The following ISG15 variants were observed in gnomAD, a reference collection of about 807,000 sequenced individuals.
ISG15 encodes ISG15 ubiquitin like modifier.
ISG15 carries 2 observed loss-of-function variants against 2.4 expected under a neutral mutation model. The ratio of observed to expected loss-of-function variants is 0.82; its 90% CI spans 0.33 to 2.57. ISG15 has a LOEUF of 2.57. Ranked by LOEUF, ISG15 falls within the 30% of genes most tolerant of loss-of-function variation. The pLI, the probability that ISG15 is intolerant of heterozygous loss-of-function variation, is 0.11. For synonymous variants in ISG15, 116 were observed against 108.1 expected, an observed-to-expected ratio of 1.07 and a Z score of -0.45; for missense variants, 224 against 228.4, an observed-to-expected ratio of 0.98 and a Z score of 0.13.
Position 1,013,961 on chromosome 1 carries a change from C to G in ISG15, c.4-23C>G, listed in dbSNP as rs769891945. ...GGGCCTGGGGCTGGCGCCGCAGTCT[C>G]TGAACCTGTGTGACGCCTGCAGGGC... On this transcript the variant is annotated intron_variant, in intron 1 of 1. Coordinates refer to ENST00000649529, the MANE Select transcript of ISG15 (RefSeq NM_005101.4). The G allele has an allele frequency of 1.4e-5, 22 of 1,576,190 alleles. No individual in the cohort carries two copies. In the South Asian group the frequency reaches 2.6e-4, roughly 18 times the overall value.
At position 1,014,333 on chromosome 1, in the gene ISG15, A is replaced by G. The variant is rs779847157; in HGVS notation, c.353A>G (p.Gln118Arg). 7 of 1,613,694 alleles carry G rather than the reference A, an allele frequency of 4.3e-6. No individual in the cohort carries two copies. Among genetic ancestry groups the G allele is most frequent in the Non-Finnish European group, 5.9e-6 (7 of 1,180,012 alleles). ...KQQVSGLEGV[Q>R]DDLFWLTFEG... ...CAAGTGAGCGGGCTGGAGGGTGTGC[A>G]GGACGACCTGTTCTGGCTGACCTTC... The change falls in exon 2 of 2, where the codon CAG (glutamine) becomes CGG (arginine). Residue 118 changes from glutamine to arginine, a missense_variant. Coordinates refer to ENST00000649529, the MANE Select transcript of ISG15 (RefSeq NM_005101.4).
At chr1:1,013,904 G>A (rs1644246456) in intron 1 of ISG15, 80 bp from the exon 2 acceptor site, 1 of 1,509,624 alleles carries the variant, frequency 6.6e-7, no homozygotes, top group Non-Finnish European at 8.9e-7. Context: ...GGGTACAGGA[G>A]CTCGCCCTGC....
chr1:1,013,604 G>A, intron 1 of ISG15, 28 bp downstream of exon 1: 2 of 1,612,802 alleles, frequency 1.2e-6, no homozygotes, highest in Non-Finnish European at 1.7e-6. Context: ...GGTGGGGGGA[G>A]GTGGGCTCTG....
At chr1:1,013,735 T>G (rs1644245113) in intron 1 of ISG15, among the ~76,000 whole-genome samples, 159 bp downstream of exon 1, 1 of 152,060 alleles carries the variant, frequency 6.6e-6, no homozygotes, top group Non-Finnish European at 1.5e-5. Flanking sequence ...ACCCCTGAGA[T>G]CCTCAGGGTG....
chr1:1,013,945 G>A (rs181083782), intron 1 of ISG15, 39 bp from the exon 2 acceptor site: 2 of 1,552,574 alleles, frequency 1.3e-6, no homozygotes, highest in East Asian at 2.3e-5. Flanking sequence ...TGGGCCTGGG[G>A]CTGGCGCCGC....
In ISG15 at chr1:1,014,117, C is replaced by A. The variant is rs747711892; in HGVS notation, c.137C>A (p.Ala46Asp). Residue 46 changes from alanine (A) to aspartate (D), a missense_variant, in exon 2 of 2, where the codon GCT becomes GAT. Transcript: ENST00000649529. ...GTGCACGCCTTCCAGCAGCGTCTGGCTGTCCACCCGAGCGGTGTGGCGCTG... is the reference window on the plus strand; with the variant it reads ...GTGCACGCCTTCCAGCAGCGTCTGGATGTCCACCCGAGCGGTGTGGCGCTG... ...IGVHAFQQRLAVHPSGVALQD... is the reference protein window; with the variant it reads ...IGVHAFQQRLDVHPSGVALQD... 46 of 1,613,164 alleles carry A rather than the reference C, an allele frequency of 2.9e-5. No individual in the cohort carries two copies. The highest frequency in any genetic ancestry group is 2.0e-4 in the Admixed American group (12 of 60,010).
At chr1:1,013,619 A>C in intron 1 of ISG15, 43 bp downstream of exon 1, 1 of 1,609,432 alleles carries the variant, frequency 6.2e-7, no homozygotes, top group Non-Finnish European at 8.5e-7. Flanking sequence ...GCTCTGTGCC[A>C]GCCAATTTTC....
chr1:1,013,914 C>A, intron 1 of ISG15, 70 bp from the exon 2 acceptor site: 1 of 1,521,888 alleles, frequency 6.6e-7, no homozygotes, highest in Non-Finnish European at 8.8e-7. Flanking sequence ...GCTCGCCCTG[C>A]AGCCAGTGCC....
chr1:1,014,333 A>T lies in ISG15; in HGVS notation c.353A>T (p.Gln118Leu). The T allele has an allele frequency of 3.1e-6, 5 of 1,613,694 alleles. No homozygotes were observed. Among genetic ancestry groups the T allele is most frequent in the Non-Finnish European group, 4.2e-6 (5 of 1,180,012 alleles). Residue 118 changes from glutamine (Q) to leucine (L), a missense_variant, in exon 2 of 2, where the codon CAG (glutamine) becomes CTG (leucine). Transcript: ENST00000649529. ...CAAGTGAGCGGGCTGGAGGGTGTGCAGGACGACCTGTTCTGGCTGACCTTC... is the reference window on the plus strand; with the variant it reads ...CAAGTGAGCGGGCTGGAGGGTGTGCTGGACGACCTGTTCTGGCTGACCTTC... ...KQQVSGLEGV[Q>L]DDLFWLTFEG... is the part of the protein sequence containing the mutation.
Position 1,014,016 on chromosome 1 carries a change from C to T in ISG15, c.36C>T (p.Gly12=). 6.2e-7 allele frequency: 1 copy of T among 1,603,278 alleles called. No individual in the cohort carries two copies. The highest frequency in any genetic ancestry group is 1.7e-4 in the Middle Eastern group (1 of 6,038). The change falls in exon 2 of 2, where the codon GGC becomes GGT. Residue 12 remains glycine (G), a synonymous_variant. Transcript: ENST00000649529. ...GWDLTVKMLA[G]NEFQVSLSSS... The stretch of plus-strand genomic sequence containing the variant: ...ACCTGACGGTGAAGATGCTGGCGGG[C>T]AACGAATTCCAGGTGTCCCTGAGCA...
Position 1,014,404 on chromosome 1 carries a change from C to T in ISG15, c.424C>T (p.Leu142Phe). 1 of 1,613,184 alleles carries T rather than the reference C, an allele frequency of 6.2e-7. No individual in the cohort carries two copies. The highest frequency in any genetic ancestry group is 1.1e-5 in the South Asian group (1 of 91,082). ...EDQLPLGEYG[L>F]KPLSTVFMNL... ...CCAGCTCCCGCTGGGGGAGTACGGCCTCAAGCCCCTGAGCACCGTGTTCAT... is the reference window on the plus strand; with the variant it reads ...CCAGCTCCCGCTGGGGGAGTACGGCTTCAAGCCCCTGAGCACCGTGTTCAT... The change falls in exon 2 of 2, where the codon CTC becomes TTC. Residue 142 changes from leucine to phenylalanine, a missense_variant. Transcript: ENST00000649529.
In ISG15 at chr1:1,014,412, C is replaced by T. The variant is rs1183674125; in HGVS notation, c.432C>T (p.Pro144=). The T allele has an allele frequency of 1.2e-5, 20 of 1,612,926 alleles. No homozygotes were observed. The highest frequency in any genetic ancestry group is 1.6e-5 in the Non-Finnish European group (19 of 1,179,904). Residue 144 remains proline, a synonymous_variant, in exon 2 of 2, where the codon CCC becomes CCT. Coordinates refer to ENST00000649529, the MANE Select transcript of ISG15 (RefSeq NM_005101.4). ...QLPLGEYGLK[P]LSTVFMNLRL... The stretch of plus-strand genomic sequence containing the variant: ...CGCTGGGGGAGTACGGCCTCAAGCC[C>T]CTGAGCACCGTGTTCATGAATCTGC...
chr1:1,014,091 C>T lies in ISG15; in HGVS notation c.111C>T (p.Gly37=), dbSNP rs1644248202. 1.2e-6 allele frequency: 2 copies of T among 1,613,126 alleles called. No individual in the cohort carries two copies. Among genetic ancestry groups the T allele is most frequent in the South Asian group, 1.1e-5 (1 of 91,084 alleles). Residue 37 remains glycine (G), a synonymous_variant, in exon 2 of 2, where the codon GGC becomes GGT. Transcript: ENST00000649529. ...AGGCGCAGATCACCCAGAAGATCGG[C>T]GTGCACGCCTTCCAGCAGCGTCTGG... ...ELKAQITQKI[G]VHAFQQRLAV... is the part of the protein sequence containing the mutation.
Position 1,013,498 on chromosome 1 carries a change from G to T in ISG15, c.-76G>T. On this transcript the variant is annotated 5_prime_UTR_variant, in exon 1 of 2. Transcript: ENST00000649529. The stretch of plus-strand genomic sequence containing the variant: ...GGGCCGGTGCTGCCTGCCGAAGCCG[G>T]CGGCTGAGAGGCAGCGAACTCATCT... 1.3e-6 allele frequency: 2 copies of T among 1,490,750 alleles called. No individual in the cohort carries two copies. The highest frequency in any genetic ancestry group is 1.9e-6 in the Non-Finnish European group (2 of 1,067,666). 92.3% of individuals were successfully genotyped at this position (1,490,750 alleles called of 1,614,324 possible).
chr1:1,013,907 C>G, intron 1 of ISG15, 77 bp from the exon 2 acceptor site: 1 of 1,512,040 alleles, frequency 6.6e-7, no homozygotes. Flanking sequence ...TACAGGAGCT[C>G]GCCCTGCAGC....
chr1:1,013,793 G>A (rs534206770), intron 1 of ISG15, among the ~76,000 whole-genome samples, 191 bp from the exon 2 acceptor site: 11 of 152,218 alleles, frequency 7.2e-5, no homozygotes, highest in Non-Finnish European at 1.5e-4. Flanking sequence ...ACGGGATGGC[G>A]GTGGGCAGCT....
Position 1,014,051 on chromosome 1 carries a change from C to A in ISG15, c.71C>A (p.Ser24Ter), listed in dbSNP as rs138885601. Residue 24 changes from serine (S) to a stop codon, truncating the protein, a stop_gained, in exon 2 of 2, where the codon TCG (serine) becomes TAG (stop). Transcript: ENST00000649529. LOFTEE classifies it low-confidence loss of function (END_TRUNC). ...EFQVSLSSSM[S>*]VSELKAQITQ... Reference sequence around the variant, plus strand: ...CAGGTGTCCCTGAGCAGCTCCATGTCGGTGTCAGAGCTGAAGGCGCAGATC... The same window carrying A: ...CAGGTGTCCCTGAGCAGCTCCATGTAGGTGTCAGAGCTGAAGGCGCAGATC... 6 of 1,612,372 alleles carry A rather than the reference C, an allele frequency of 3.7e-6. No individual in the cohort carries two copies. Among genetic ancestry groups the A allele is most frequent in the African/African-American group, 1.3e-5 (1 of 74,934 alleles).
chr1:1,014,331 G>C lies in ISG15; in HGVS notation c.351G>C (p.Val117=). 6.2e-7 allele frequency: 1 copy of C among 1,613,720 alleles called. No individual in the cohort carries two copies. The highest frequency in any genetic ancestry group is 8.5e-7 in the Non-Finnish European group (1 of 1,180,022). The change falls in exon 2 of 2, where the codon GTG becomes GTC. Residue 117 remains valine (V), a synonymous_variant. Transcript: ENST00000649529. ...LKQQVSGLEG[V]QDDLFWLTFE... is the part of the protein sequence containing the mutation. ...AGCAAGTGAGCGGGCTGGAGGGTGT[G>C]CAGGACGACCTGTTCTGGCTGACCT...
chr1:1,014,511 G>A lies in ISG15; in HGVS notation c.*33G>A, dbSNP rs757800752. On this transcript the variant is annotated 3_prime_UTR_variant, in exon 2 of 2. Coordinates refer to ENST00000649529, the MANE Select transcript of ISG15 (RefSeq NM_005101.4). The stretch of plus-strand genomic sequence containing the variant: ...CACCAGCATCCGAGCAGGATCAAGG[G>A]CCGGAAATAAAGGCTGTTGTAAAGA... The A allele has an allele frequency of 5.8e-6, 9 of 1,564,650 alleles. No individual in the cohort carries two copies. Among genetic ancestry groups the A allele is most frequent in the Non-Finnish European group, 7.8e-6 (9 of 1,156,030 alleles).
Sources: gnomAD v4.1 joint callset for allele counts (sites outside exome capture counted in the v4.1 genomes callset) on GRCh38, gnomAD v4.1.1 for gene constraint, MANE v1.5 for transcripts, NCBI Gene and HGNC (gene_info 2026-07-23, HGNC 2026-07-21) for gene names.